The following CCDC180 variants were observed in gnomAD, a reference collection of about 807,000 sequenced individuals.
CCDC180 encodes coiled-coil domain-containing protein 180.
CCDC180 carries 154 observed loss-of-function variants against 209.2 expected under a neutral mutation model. That is an observed-to-expected ratio of 0.74 (90% CI 0.65 to 0.84). The LOEUF is 0.84. Ranked by LOEUF, CCDC180 falls within the 40% of genes least tolerant of loss-of-function variation. CCDC180 has a pLI of 0.00. For missense variants in CCDC180, 1,874 were observed against 1,997.3 expected, an observed-to-expected ratio of 0.94 and a Z score of 1.18; for synonymous variants, 778 against 749.1, an observed-to-expected ratio of 1.04 and a Z score of -0.63.
In CCDC180 at chr9:97,377,007, T is replaced by A; in HGVS notation, c.*113T>A. ...CCTCCCTTCATCCCTCCACCCCTGC[T>A]CTGTGCCGGGCACTGTAGCTTTACC... On this transcript the variant is annotated 3_prime_UTR_variant, in exon 37 of 37. Transcript: ENST00000529487. 7 of 1,254,342 alleles carry A rather than the reference T, an allele frequency of 5.6e-6. No homozygotes were observed. The highest frequency in any genetic ancestry group is 7.7e-6 in the Non-Finnish European group (7 of 913,002). 77.7% of individuals were successfully genotyped at this position (1,254,342 alleles called of 1,614,324 possible).
At position 97,374,602 on chromosome 9, in the gene CCDC180, TC is replaced by T. The variant is rs1323349792; in HGVS notation, c.4663del (p.Leu1555Ter). On this transcript the variant is annotated frameshift_variant, in exon 35 of 37. Transcript: ENST00000529487. LOFTEE classifies it high-confidence loss of function. ...CATACGAAGGAAACTCGCTGGGCTCTCCCTGAAGGAAGAGAGTGAGAAACCC... is the reference window on the plus strand; with the variant it reads ...CATACGAAGGAAACTCGCTGGGCTCTCCTGAAGGAAGAGAGTGAGAAACCC... ...MLIRRKLAGL[S>X]LKEESEKPLI... 2 of 1,614,130 alleles carry T rather than the reference TC, an allele frequency of 1.2e-6. No homozygotes were observed. The highest frequency in any genetic ancestry group is 2.2e-5 in the South Asian group (2 of 91,080).
intron 3 of CCDC180, among the ~76,000 whole-genome samples, chr9:97,310,572 G>A (rs2118517149): frequency 6.6e-6 from 1 of 151,246 alleles, no homozygotes; most frequent in South Asian, 2.1e-4. Flanking sequence ...AGCAGGCGCG[G>A]TGCTCCCCTT....
At chr9:97,357,486 G>A (rs1826615807) in intron 24 of CCDC180, 141 bp from the exon 25 acceptor site, 8 of 682,168 alleles carry the variant, frequency 1.2e-5, no homozygotes, top group Middle Eastern at 2.7e-4. Context: ...TTGTATCAAT[G>A]TCTGGTAAAA....
chr9:97,331,699 A>G (rs1402281236), intron 18 of CCDC180, among the ~76,000 whole-genome samples: 3 of 142,740 alleles, frequency 2.1e-5, no homozygotes, highest in Non-Finnish European at 4.6e-5. Context: ...ATGTATGTCT[A>G]CTTTTGAAAA....
chr9:97,374,295 G>C, intron 34 of CCDC180: 1 of 470,352 alleles, frequency 2.1e-6, no homozygotes, highest in South Asian at 3.3e-5. Flanking sequence ...TCAGGCTTGG[G>C]TTTGGAGCTG....
intron 14 of CCDC180, 150 bp from the exon 15 acceptor site, chr9:97,326,404 A>T (rs1833535182): frequency 1.5e-6 from 1 of 648,712 alleles, no homozygotes; most frequent in South Asian, 1.8e-5. Context: ...GGGTGGTGGC[A>T]GATTGGGTAC....
intron 16 of CCDC180, among the ~76,000 whole-genome samples, chr9:97,329,929 G>C (rs1379169387): frequency 6.6e-6 from 1 of 152,068 alleles, no homozygotes; most frequent in African/African-American, 2.4e-5. Flanking sequence ...TTAGCCAGGC[G>C]TGGTGGCTGG....
chr9:97,347,806 A>G (rs1342978011), intron 20 of CCDC180: 1 of 228,748 alleles, frequency 4.4e-6, no homozygotes, highest in Non-Finnish European at 8.6e-6. Context: ...TCAGATACAC[A>G]CCTGCATGGT....
At chr9:97,307,404 G>A (rs1161607564), upstream of CCDC180, 5 of 548,866 alleles carry the variant, frequency 9.1e-6, no homozygotes, top group South Asian at 7.8e-5. Flanking sequence ...CGGCCAGGCC[G>A]GACGCAAGGC....
At chr9:97,318,040 C>T (rs1587785991) in intron 9 of CCDC180, among the ~76,000 whole-genome samples, 1 of 152,218 alleles carries the variant, frequency 6.6e-6, no homozygotes, top group Admixed American at 6.5e-5. Flanking sequence ...CATCATTTTA[C>T]TGAGTGCCCA....
At chr9:97,330,113 G>A (rs1387365775) in intron 16 of CCDC180, 41 bp from the exon 17 acceptor site, 3 of 1,513,684 alleles carry the variant, frequency 2.0e-6, no homozygotes, top group Admixed American at 1.8e-5. Flanking sequence ...CTGAAGAAAG[G>A]CAGTGCAGGT....
intron 16 of CCDC180, 82 bp from the exon 17 acceptor site, chr9:97,330,066 CAAAAAA>C (rs34372293): frequency 1.9e-3 from 1,095 of 579,934 alleles, no homozygotes; most frequent in Middle Eastern, 4.5e-3. Context: ...AGACTCCTCT[CAAAAAA>C]AAAAAAAAAA....
chr9:97,340,363 T>C (rs973656972), intron 18 of CCDC180, among the ~76,000 whole-genome samples: 1 of 152,130 alleles, frequency 6.6e-6, no homozygotes, highest in African/African-American at 2.4e-5. Flanking sequence ...ATGTCCTTTT[T>C]GTTGATTGTG....
In CCDC180 at chr9:97,351,497, C is replaced by G. The variant is rs955295118; in HGVS notation, c.3002+942C>G. On this transcript the variant is annotated intron_variant, in intron 22 of 36. Coordinates refer to ENST00000529487, the MANE Select transcript of CCDC180 (RefSeq NM_020893.6). ...ATCTTAATCCTGGATGAAAGTAATCCTAGATTTAGTCTTTGACATTTTTGA... is the reference window on the plus strand; with the variant it reads ...ATCTTAATCCTGGATGAAAGTAATCGTAGATTTAGTCTTTGACATTTTTGA... Among the ~76,000 whole-genome samples the G allele has an allele frequency of 1.1e-3, 168 of 151,948 alleles. 2 individuals carry two copies. The highest frequency in any genetic ancestry group is 6.5e-4 in the Non-Finnish European group (44 of 67,978).
intron 18 of CCDC180, among the ~76,000 whole-genome samples, chr9:97,342,319 A>G (rs912706736): frequency 1.3e-5 from 2 of 152,098 alleles, no homozygotes; most frequent in African/African-American, 4.8e-5. Context: ...ATGGACCTCT[A>G]ATTTTTGTAT....
chr9:97,310,313 T>G (rs894313692), intron 3 of CCDC180, among the ~76,000 whole-genome samples: 6 of 152,112 alleles, frequency 3.9e-5, no homozygotes, highest in African/African-American at 1.4e-4. Flanking sequence ...CCATGAGACC[T>G]AGTGATGAAT....
rs760910607 is a variant in CCDC180 at position 97,312,120 on chromosome 9, G to A, written c.268G>A (p.Glu90Lys). The A allele has an allele frequency of 1.2e-4, 193 of 1,613,972 alleles. 5 individuals carry two copies. In the South Asian group the frequency reaches 2.0e-3, roughly 17 times the overall value. Reference sequence around the variant, plus strand: ...TCTCTGCTTGTGTCTCAGGGAAAAGGAAAGAGCCAAGAGGGAAAAAGCCCG... The same window carrying A: ...TCTCTGCTTGTGTCTCAGGGAAAAGAAAAGAGCCAAGAGGGAAAAAGCCCG... The part of the protein sequence containing the change: ...MENPVLHREK[E>K]RAKREKARES... Residue 90 changes from glutamate to lysine, a missense_variant, in exon 4 of 37, where the codon GAA becomes AAA. Coordinates refer to ENST00000529487, the MANE Select transcript of CCDC180 (RefSeq NM_020893.6).
chr9:97,356,125 C>T (rs1276667473), intron 24 of CCDC180, among the ~76,000 whole-genome samples: 2 of 152,030 alleles, frequency 1.3e-5, no homozygotes, highest in Non-Finnish European at 2.9e-5. Context: ...TCAGCAGGGA[C>T]ACATTCTGAT....
Position 97,354,987 on chromosome 9 carries a change from G to T in CCDC180, c.3243G>T (p.Leu1081=). ...AAATCCAGCGGTTGCTGACGAATCTGCAAGTGAAAATCAAGTGCCAGGTAG... is the reference window on the plus strand; with the variant it reads ...AAATCCAGCGGTTGCTGACGAATCTTCAAGTGAAAATCAAGTGCCAGGTAG... ...IEKIQRLLTN[L]QVKIKCQVAK... The change falls in exon 24 of 37, where the codon CTG becomes CTT. Residue 1081 remains leucine, a synonymous_variant. Coordinates refer to ENST00000529487, the MANE Select transcript of CCDC180 (RefSeq NM_020893.6). 2 of 1,612,032 alleles carry T rather than the reference G, an allele frequency of 1.2e-6. No individual in the cohort carries two copies. The highest frequency in any genetic ancestry group is 4.5e-5 in the East Asian group (2 of 44,886).
Sources: allele counts gnomAD v4.1 joint callset (sites outside exome capture counted in the v4.1 genomes callset), GRCh38; gene constraint gnomAD v4.1.1; transcripts MANE v1.5; gene names NCBI Gene and HGNC (gene_info 2026-07-23, HGNC 2026-07-21).